ELMO1: variants seen among roughly 807,000 people sequenced by gnomAD.
The protein encoded by ELMO1 is engulfment and cell motility 1, also known as engulfment and cell motility protein 1.
In ELMO1, 26 loss-of-function variants were observed where a neutral mutation model predicts 98.9. That is an observed-to-expected ratio of 0.26 (90% confidence interval 0.19 to 0.36). ELMO1 has a LOEUF of 0.36. Ranked by LOEUF, ELMO1 falls within the 10% of genes least tolerant of loss-of-function variation. ELMO1 has a pLI of 1.00. For missense variants in ELMO1, 627 were observed against 935.2 expected (o/e 0.67, Z 4.30); for synonymous variants, 346 against 346.0 (o/e 1.00, Z 0.00).
intron 15 of ELMO1, among the ~76,000 whole-genome samples, chr7:37,093,620 T>A (rs1435752635): frequency 6.6e-6 from 1 of 152,240 alleles, no homozygotes; most frequent in Non-Finnish European, 1.5e-5. Flanking sequence ...TGTATTCAGA[T>A]TAGCTTTGCA....
intron 17 of ELMO1, among the ~76,000 whole-genome samples, chr7:36,889,312 T>A (rs1234870500): frequency 6.6e-6 from 1 of 152,214 alleles, no homozygotes; most frequent in African/African-American, 2.4e-5. Context: ...GGGTCTCATT[T>A]CAGGCTTTCA....
chr7:37,129,225 C>T (rs1786736326), intron 14 of ELMO1, among the ~76,000 whole-genome samples: 1 of 148,754 alleles, frequency 6.7e-6, no homozygotes, highest in Admixed American at 6.6e-5. Context: ...GGCTGTGGGC[C>T]AGGCATGGTC....
chr7:37,213,692 G>A (rs1793118948), intron 11 of ELMO1, among the ~76,000 whole-genome samples: 1 of 152,074 alleles, frequency 6.6e-6, no homozygotes, highest in African/African-American at 2.4e-5. Context: ...GGAGTGGAAG[G>A]GGAAAAGCGC....
intron 1 of ELMO1, among the ~76,000 whole-genome samples, chr7:37,368,424 G>A (rs764400864): frequency 8.5e-5 from 13 of 152,150 alleles, no homozygotes; most frequent in African/African-American, 2.2e-4. Context: ...ATCACAATAC[G>A]GAGCTTTGGC....
chr7:36,874,073 G>C (rs980567597), intron 19 of ELMO1, among the ~76,000 whole-genome samples: 1 of 152,188 alleles, frequency 6.6e-6, no homozygotes, highest in Non-Finnish European at 1.5e-5. Context: ...GAAAAGATGC[G>C]CCTTTGGAAT....
chr7:37,092,929 T>C (rs1295903194), intron 15 of ELMO1, among the ~76,000 whole-genome samples: 1 of 151,672 alleles, frequency 6.6e-6, no homozygotes, highest in Non-Finnish European at 1.5e-5. Flanking sequence ...TTTTTTTTTT[T>C]TGGCTTCCTA....
intron 16 of ELMO1, among the ~76,000 whole-genome samples, chr7:36,913,853 G>T (rs1784504708): frequency 6.6e-6 from 1 of 152,192 alleles, no homozygotes; most frequent in Non-Finnish European, 1.5e-5. Context: ...CAGCAGTGGG[G>T]TAGGATCTTT....
At chr7:37,348,763 T>C (rs1410462610) in intron 1 of ELMO1, among the ~76,000 whole-genome samples, 3 of 152,204 alleles carry the variant, frequency 2.0e-5, no homozygotes, top group African/African-American at 7.2e-5. Flanking sequence ...ACATGCCTCT[T>C]GCTGTAGTCT....
At chr7:36,882,348 A>G (rs1804538450) in intron 18 of ELMO1, among the ~76,000 whole-genome samples, 1 of 152,218 alleles carries the variant, frequency 6.6e-6, no homozygotes, top group East Asian at 1.9e-4. Context: ...GTCACAAAAC[A>G]AGAGGGACCC....
At chr7:37,317,570 C>T (rs1343866965) in intron 2 of ELMO1, among the ~76,000 whole-genome samples, 1 of 152,078 alleles carries the variant, frequency 6.6e-6, no homozygotes, top group East Asian at 1.9e-4. Flanking sequence ...AAGCCAGGCA[C>T]AGAAAGACAA....
chr7:37,281,039 T>C (rs1270244818), intron 4 of ELMO1, among the ~76,000 whole-genome samples: 2 of 149,808 alleles, frequency 1.3e-5, no homozygotes, highest in African/African-American at 4.9e-5. Context: ...ACACATATGA[T>C]GGAATACTAC....
chr7:37,112,350 G>T (rs1785299890), intron 14 of ELMO1, among the ~76,000 whole-genome samples: 1 of 152,118 alleles, frequency 6.6e-6, no homozygotes, highest in South Asian at 2.1e-4. Context: ...AGGTTCTGCA[G>T]GATTAATCCA....
intron 16 of ELMO1, among the ~76,000 whole-genome samples, chr7:36,989,836 A>G (rs187017334): frequency 2.7e-4 from 41 of 152,348 alleles, no homozygotes; most frequent in African/African-American, 9.6e-4. Context: ...GCAATAAGGT[A>G]GGAAGACTAT....
intron 13 of ELMO1, among the ~76,000 whole-genome samples, chr7:37,140,331 A>G (rs1787546100): frequency 6.6e-6 from 1 of 152,038 alleles, no homozygotes; most frequent in African/African-American, 2.4e-5. Context: ...GCTTGTAGTG[A>G]GCCGAGATGG....
At chr7:37,259,001 T>C (rs1374799136) in intron 6 of ELMO1, among the ~76,000 whole-genome samples, 180 bp downstream of exon 6, 1 of 151,316 alleles carries the variant, frequency 6.6e-6, no homozygotes, top group Non-Finnish European at 1.5e-5. Flanking sequence ...GGGCAAAGGA[T>C]GGAGAACTCT....
intron 16 of ELMO1, among the ~76,000 whole-genome samples, chr7:36,952,918 T>C (rs1788095437): frequency 1.3e-5 from 2 of 151,866 alleles, no homozygotes; most frequent in Non-Finnish European, 2.9e-5. Flanking sequence ...TCTCAAGACA[T>C]TTCAATATAA....
chr7:37,155,214 G>A (rs7384629), intron 13 of ELMO1, among the ~76,000 whole-genome samples: 107,766 of 152,108 alleles, frequency 0.71, 40,761 homozygotes, highest in Non-Finnish European at 0.83. Context: ...ATGCCAAATT[G>A]TAAAGACCAC....
At chr7:37,021,600 G>C (rs537949427) in intron 15 of ELMO1, among the ~76,000 whole-genome samples, 1 of 151,542 alleles carries the variant, frequency 6.6e-6, no homozygotes, top group African/African-American at 2.4e-5. Context: ...AAATGTTGAC[G>C]TCACTATTTA....
chr7:37,132,480 A>G (rs755531969), intron 14 of ELMO1, among the ~76,000 whole-genome samples: 8 of 152,134 alleles, frequency 5.3e-5, no homozygotes, highest in Non-Finnish European at 1.0e-4. Flanking sequence ...CAGGGCTCCA[A>G]CCGAGCAGCC....
Sources: allele counts gnomAD v4.1 joint callset (sites outside exome capture counted in the v4.1 genomes callset), GRCh38; gene constraint gnomAD v4.1.1; transcripts MANE v1.5; gene names NCBI Gene and HGNC (gene_info 2026-07-23, HGNC 2026-07-21).